The following ITPRID1 variants were observed in gnomAD, a reference collection of about 807,000 sequenced individuals.
ITPRID1 encodes the protein protein ITPRID1.
A neutral mutation model predicts 95.4 loss-of-function variants in ITPRID1; 96 were observed. The observed-to-expected ratio is 1.01, with a 90% CI of 0.85 to 1.19. The LOEUF (loss-of-function observed/expected upper bound fraction) is 1.19, where lower values mean the gene tolerates loss of function less well. Among genes scored for constraint, ITPRID1 ranks in the 50% most tolerant of loss-of-function variants. The pLI, the probability that ITPRID1 is intolerant of heterozygous loss-of-function variation, is 0.00. For synonymous variants in ITPRID1, 510 were observed against 453.6 expected, an observed-to-expected ratio of 1.12 and a Z score of -1.58; for missense variants, 1,339 against 1,252.9, an observed-to-expected ratio of 1.07 and a Z score of -1.04.
chr7:31,598,655 G>A lies in ITPRID1; in HGVS notation c.1228+15464G>A, dbSNP rs924688970. 7.2e-5 allele frequency among the ~76,000 whole-genome samples: 11 copies of A among 152,098 alleles called. No individual in the cohort carries two copies. The South Asian group carries it at 8.3e-4, about 11-fold the overall frequency. ...CCTGACCTCGTGATCCGCCCGCCTT[G>A]GCCTCCCAAAGTGCTGGGATTACAG... On this transcript the variant is annotated intron_variant, in intron 10 of 14. Coordinates refer to ENST00000615280, the MANE Select transcript of ITPRID1 (RefSeq NM_001257967.3).
rs199790271 is a variant in ITPRID1, at chr7:31,574,712, C to T, written c.568C>T (p.Arg190Ter). ...IRVFLEAQKQ[R>*]MDIENPNLYG... is the part of the protein sequence containing the mutation. ...TGTTTTTCTTGAAGCTCAAAAGCAG[C>T]GAATGGACATTGAGAACCCCAACTT... Residue 190 changes from arginine to a stop codon, truncating the protein, a stop_gained, in exon 8 of 15, where the codon CGA (arginine) becomes TGA (stop). Transcript: ENST00000615280. LOFTEE classifies it high-confidence loss of function. The T allele has an allele frequency of 1.2e-5, 19 of 1,613,734 alleles. No homozygotes were observed. The highest frequency in any genetic ancestry group is 6.6e-5 in the South Asian group (6 of 91,080).
intron 10 of ITPRID1, among the ~76,000 whole-genome samples, chr7:31,628,075 A>G (rs1007245784): frequency 6.6e-6 from 1 of 152,234 alleles, no homozygotes; most frequent in Non-Finnish European, 1.5e-5. Context: ...GGAGCCGACT[A>G]CTGGAGCCTG....
intron 10 of ITPRID1, among the ~76,000 whole-genome samples, chr7:31,628,220 C>T (rs1241971086): frequency 1.3e-5 from 2 of 152,166 alleles, no homozygotes; most frequent in Non-Finnish European, 2.9e-5. Context: ...GCCCTTCAAT[C>T]TCCTACTCCT....
chr7:31,526,004 A>G (rs1397431099), intron 1 of ITPRID1, among the ~76,000 whole-genome samples: 1 of 152,186 alleles, frequency 6.6e-6, no homozygotes, highest in Non-Finnish European at 1.5e-5. Flanking sequence ...ATGAATTGAA[A>G]GGAAGAAAAG....
At chr7:31,529,864 A>G in intron 1 of ITPRID1, 1 of 1,469,268 alleles carries the variant, frequency 6.8e-7, no homozygotes, top group Non-Finnish European at 9.2e-7. Context: ...CTTTTAATCC[A>G]GCCTGTTGGG....
In ITPRID1 at chr7:31,655,802, C is replaced by G; in HGVS notation, c.*2973C>G. The G allele has an allele frequency of 1.0e-6, 1 of 985,654 alleles. No homozygotes were observed. The highest frequency in any genetic ancestry group is 4.7e-5 in the South Asian group (1 of 21,284). 61.1% of individuals were successfully genotyped at this position (985,654 alleles called of 1,614,324 possible). ...ACCCAGGTTGGGCTTTTGACCTCCC[C>G]TTCTCCATGTAGACTCCGAGCTCTC... On this transcript the variant is annotated 3_prime_UTR_variant, in exon 15 of 15. Transcript: ENST00000615280.
chr7:31,590,433 G>A (rs1562592655), intron 10 of ITPRID1, among the ~76,000 whole-genome samples: 1 of 152,162 alleles, frequency 6.6e-6, no homozygotes, highest in East Asian at 1.9e-4. Flanking sequence ...AGATGTAAGA[G>A]GTGGTTGCAG....
At chr7:31,627,611 G>C (rs1195465647) in intron 10 of ITPRID1, among the ~76,000 whole-genome samples, 1 of 132,648 alleles carries the variant, frequency 7.5e-6, no homozygotes, top group Non-Finnish European at 1.5e-5. Flanking sequence ...AGTAAGCTGC[G>C]ATCATGCCAC....
At chr7:31,625,456 G>C (rs946083586) in intron 10 of ITPRID1, among the ~76,000 whole-genome samples, 6 of 152,058 alleles carry the variant, frequency 3.9e-5, no homozygotes, top group African/African-American at 1.4e-4. Context: ...AAAATGATGA[G>C]TTCATGTCCT....
At chr7:31,584,000 A>T (rs953946614) in intron 10 of ITPRID1, among the ~76,000 whole-genome samples, 1 of 152,160 alleles carries the variant, frequency 6.6e-6, no homozygotes, top group African/African-American at 2.4e-5. Flanking sequence ...GGTTCCCTAG[A>T]TGTAGCTTTG....
At chr7:31,620,171 T>C (rs1189405578) in intron 10 of ITPRID1, among the ~76,000 whole-genome samples, 1 of 152,152 alleles carries the variant, frequency 6.6e-6, no homozygotes, top group South Asian at 2.1e-4. Flanking sequence ...GCTCCACCTC[T>C]GGGGGCAGGG....
chr7:31,559,942 T>G (rs1350074361), intron 5 of ITPRID1, among the ~76,000 whole-genome samples: 1 of 152,198 alleles, frequency 6.6e-6, no homozygotes, highest in African/African-American at 2.4e-5. Flanking sequence ...AAATATGTGT[T>G]GATTGCCTCC....
chr7:31,609,528 C>T (rs1020753923), intron 10 of ITPRID1, among the ~76,000 whole-genome samples: 1 of 151,520 alleles, frequency 6.6e-6, no homozygotes, highest in Non-Finnish European at 1.5e-5. Flanking sequence ...GAATAAGTTT[C>T]AATACCTTAT....
chr7:31,606,251 T>G (rs1410301630), intron 10 of ITPRID1, among the ~76,000 whole-genome samples: 2 of 152,174 alleles, frequency 1.3e-5, no homozygotes, highest in African/African-American at 4.8e-5. Context: ...TATGATTCCC[T>G]AGGGGTCCAA....
At chr7:31,593,597 ACACT>A (rs1449057480) in intron 10 of ITPRID1, among the ~76,000 whole-genome samples, 6 of 152,202 alleles carry the variant, frequency 3.9e-5, no homozygotes, top group Admixed American at 1.3e-4. Flanking sequence ...TGTGAAACTG[ACACT>A]CACCCACTGT....
At chr7:31,560,697 G>A (rs1784594750) in intron 5 of ITPRID1, among the ~76,000 whole-genome samples, 1 of 152,168 alleles carries the variant, frequency 6.6e-6, no homozygotes, top group Non-Finnish European at 1.5e-5. Flanking sequence ...CAATTTATTG[G>A]GATGGGAAAA....
intron 10 of ITPRID1, among the ~76,000 whole-genome samples, chr7:31,606,331 T>G (rs1234848805): frequency 2.0e-5 from 3 of 152,040 alleles, no homozygotes; most frequent in African/African-American, 7.2e-5. Context: ...TCAATAAATG[T>G]TTGTTCAATG....
intron 1 of ITPRID1, among the ~76,000 whole-genome samples, chr7:31,548,736 G>T (rs1254250962): frequency 6.6e-6 from 1 of 152,142 alleles, no homozygotes; most frequent in African/African-American, 2.4e-5. Context: ...GAGAGTGCCA[G>T]CCTCTCAGGA....
rs530057261 is a variant in ITPRID1, at chr7:31,514,551, AT to A, written c.-98+433del. 2.9e-3 allele frequency among the ~76,000 whole-genome samples: 439 copies of A among 152,278 alleles called. 6 individuals carry two copies. The highest frequency in any genetic ancestry group is 9.9e-3 in the African/African-American group (410 of 41,574). On this transcript the variant is annotated intron_variant, in intron 1 of 14. Transcript: ENST00000615280. Reference sequence around the variant, plus strand: ...ATATTGTGGTTTTGAGAGCTAGCCAATTCCAGGGAATGAGGGAGAGAGAGAG... The same window carrying A: ...ATATTGTGGTTTTGAGAGCTAGCCAATCCAGGGAATGAGGGAGAGAGAGAG...
Sources: allele counts gnomAD v4.1 joint callset (sites outside exome capture counted in the v4.1 genomes callset), GRCh38; gene constraint gnomAD v4.1.1; transcripts MANE v1.5; gene names NCBI Gene and HGNC (gene_info 2026-07-23, HGNC 2026-07-21).